The following EXOC6 variants were observed in gnomAD, a reference collection of about 807,000 sequenced individuals.
EXOC6 encodes the protein exocyst complex component 6.
EXOC6 carries 60 observed loss-of-function variants against 112.5 expected under a neutral mutation model. The observed-to-expected ratio is 0.53, with a 90% CI of 0.43 to 0.66. The LOEUF is 0.66. Among genes scored for constraint, EXOC6 ranks in the 30% least tolerant of loss-of-function variants. EXOC6 has a pLI of 0.00. For missense variants in EXOC6, 855 were observed against 957.1 expected (o/e 0.89, Z 1.41); for synonymous variants, 295 against 308.0 (o/e 0.96, Z 0.44).
At chr10:92,975,543 G>C (rs1842514145) in intron 18 of EXOC6, among the ~76,000 whole-genome samples, 1 of 144,742 alleles carries the variant, frequency 6.9e-6, no homozygotes, top group African/African-American at 2.6e-5. Flanking sequence ...CAGCCCCCCA[G>C]CCGCCCCGTC....
At chr10:92,859,093 C>G (rs1847768677) in intron 1 of EXOC6, among the ~76,000 whole-genome samples, 1 of 152,090 alleles carries the variant, frequency 6.6e-6, no homozygotes, top group Non-Finnish European at 1.5e-5. Flanking sequence ...GTTTATTGGT[C>G]TCAGTCTTCT....
Position 92,928,361 on chromosome 10 carries a change from A to G in EXOC6, c.911A>G (p.Asn304Ser). ...SVLGDEETFENYYRKQRKKQA... is the reference protein window; with the variant it reads ...SVLGDEETFESYYRKQRKKQA... Reference sequence around the variant, plus strand: ...TAGGGTGACGAGGAAACATTTGAAAACTATTATCGAAAACAAAGAAAGAAA... The same window carrying G: ...TAGGGTGACGAGGAAACATTTGAAAGCTATTATCGAAAACAAAGAAAGAAA... Residue 304 changes from asparagine (N) to serine (S), a missense_variant, in exon 9 of 22, where the codon AAC (asparagine) becomes AGC (serine). Asn to Ser is a conservative substitution (Grantham distance 46). Transcript: ENST00000260762. 1 of 1,609,622 alleles carries G rather than the reference A, an allele frequency of 6.2e-7. No individual in the cohort carries two copies. The highest frequency in any genetic ancestry group is 8.5e-7 in the Non-Finnish European group (1 of 1,177,354).
At chr10:93,013,603 G>A (rs60312200) in intron 19 of EXOC6, among the ~76,000 whole-genome samples, 8,476 of 151,986 alleles carry the variant, frequency 0.056, 389 homozygotes, top group East Asian at 0.13. Flanking sequence ...ATGAGACTCC[G>A]TCTCAAAAAA....
chr10:92,897,355 T>C (rs780940153), intron 4 of EXOC6, among the ~76,000 whole-genome samples: 1 of 152,168 alleles, frequency 6.6e-6, no homozygotes, highest in African/African-American at 2.4e-5. Flanking sequence ...TATCCACTTA[T>C]AAATGTGTGT....
intron 1 of EXOC6, among the ~76,000 whole-genome samples, chr10:92,867,564 G>A (rs1266126383): frequency 6.6e-6 from 1 of 152,158 alleles, no homozygotes; most frequent in Non-Finnish European, 1.5e-5. Context: ...TCTGTCAGGT[G>A]AATGCACTGG....
Position 93,057,010 on chromosome 10 carries a change from A to G in EXOC6, c.2256A>G (p.Pro752=). The change falls in exon 21 of 22, where the codon CCA becomes CCG. Residue 752 remains proline (P), a synonymous_variant. Coordinates refer to ENST00000260762, the MANE Select transcript of EXOC6 (RefSeq NM_019053.6). ...CTTCTAAGTACCTTCGGGTGAATCC[A>G]AACACAGCCCTTACTCTTTTGGAGA... ...QPASKYLRVN[P]NTALTLLEKM... 1 of 1,587,298 alleles carries G rather than the reference A, an allele frequency of 6.3e-7. No individual in the cohort carries two copies. The highest frequency in any genetic ancestry group is 8.5e-7 in the Non-Finnish European group (1 of 1,170,878).
intron 5 of EXOC6, among the ~76,000 whole-genome samples, chr10:92,906,300 C>T (rs1379175824): frequency 6.6e-6 from 1 of 152,004 alleles, no homozygotes. Context: ...ATAAAAATTT[C>T]GTACTTTTTC....
rs531694575 is a variant in EXOC6, at chr10:92,865,092, T to C, written c.101+16458T>C. Among the ~76,000 whole-genome samples, 28 of 152,312 alleles carry C rather than the reference T, an allele frequency of 1.8e-4. No homozygotes were observed. In the South Asian group the frequency reaches 5.6e-3, roughly 31 times the overall value. Reference sequence around the variant, plus strand: ...ATTTTTAATTGAAAAATATTGATAGTTATAATCCACGTAAACAAAATCTTT... The same window carrying C: ...ATTTTTAATTGAAAAATATTGATAGCTATAATCCACGTAAACAAAATCTTT... On this transcript the variant is annotated intron_variant, in intron 1 of 21. Coordinates refer to ENST00000260762, the MANE Select transcript of EXOC6 (RefSeq NM_019053.6).
At chr10:92,894,062 C>T in intron 2 of EXOC6, among the ~76,000 whole-genome samples, 1 of 152,122 alleles carries the variant, frequency 6.6e-6, no homozygotes, top group East Asian at 1.9e-4. Flanking sequence ...TAAGAATTGT[C>T]CTATTTATCT....
chr10:93,037,647 C>CCAGG (rs1198162972), intron 20 of EXOC6, among the ~76,000 whole-genome samples: 1 of 151,948 alleles, frequency 6.6e-6, no homozygotes, highest in Non-Finnish European at 1.5e-5. Context: ...GCCATTTTGG[C>CCAGG]CAGGCTGGTC....
intron 4 of EXOC6, among the ~76,000 whole-genome samples, chr10:92,898,531 A>G (rs772004162): frequency 4.6e-5 from 7 of 152,110 alleles, no homozygotes; most frequent in Admixed American, 6.6e-5. Flanking sequence ...TGGAAATAGC[A>G]TGAGGTAGAT....
intron 20 of EXOC6, among the ~76,000 whole-genome samples, chr10:93,037,211 T>C (rs1224125907): frequency 6.6e-6 from 1 of 151,288 alleles, no homozygotes; most frequent in Non-Finnish European, 1.5e-5. Context: ...GGTGTGATCA[T>C]GGCACATTGC....
intron 18 of EXOC6, among the ~76,000 whole-genome samples, chr10:92,975,546 G>A (rs573817561): frequency 1.4e-5 from 2 of 142,688 alleles, no homozygotes; most frequent in African/African-American, 5.4e-5. Flanking sequence ...CCCCCCAGCC[G>A]CCCCGTCCGG....
rs779199196 is a variant in EXOC6, at chr10:92,934,214, CTA to C, written c.1019+26_1019+27del. On this transcript the variant is annotated intron_variant, in intron 10 of 21. Coordinates refer to ENST00000260762, the MANE Select transcript of EXOC6 (RefSeq NM_019053.6). Reference sequence around the variant, plus strand: ...GGGTATGTATCTAATATGGAAATAACTATTATTAATTTTATATTATGTTAAAT... The same window carrying C: ...GGGTATGTATCTAATATGGAAATAACTTATTAATTTTATATTATGTTAAAT... The C allele has an allele frequency of 4.0e-6, 6 of 1,516,068 alleles. No homozygotes were observed. The Admixed American group carries it at 1.0e-4, about 25-fold the overall frequency. 93.9% of individuals were successfully genotyped at this position (1,516,068 alleles called of 1,614,324 possible).
chr10:93,022,986 C>T (rs1468952322), intron 20 of EXOC6, among the ~76,000 whole-genome samples: 1 of 147,964 alleles, frequency 6.8e-6, no homozygotes, highest in African/African-American at 2.5e-5. Context: ...CTTCACTTTT[C>T]CTTCTTTTTT....
intron 13 of EXOC6, among the ~76,000 whole-genome samples, chr10:92,945,064 G>A (rs1287003371): frequency 6.6e-6 from 1 of 152,128 alleles, no homozygotes; most frequent in Non-Finnish European, 1.5e-5. Context: ...GAGCCACTGT[G>A]CCTGGCCAGC....
intron 1 of EXOC6, among the ~76,000 whole-genome samples, chr10:92,858,130 A>C (rs1847717916): frequency 6.7e-6 from 1 of 148,612 alleles, no homozygotes; most frequent in Non-Finnish European, 1.5e-5. Context: ...CCCTTATGTA[A>C]TCAGCAGTTT....
chr10:92,927,002 A>AT (rs1344483049), intron 8 of EXOC6, among the ~76,000 whole-genome samples: 4 of 152,198 alleles, frequency 2.6e-5, no homozygotes, highest in African/African-American at 9.7e-5. Flanking sequence ...ATTATAGCTT[A>AT]TTGAAATTAT....
Position 92,875,383 on chromosome 10 carries a change from TA to T in EXOC6, c.102-17965del, listed in dbSNP as rs537772415. Reference sequence around the variant, plus strand: ...CATGGATACACACACAAATATATTTTATATGTCTGGATTCTTATAGCATGGA... The same window carrying T: ...CATGGATACACACACAAATATATTTTTATGTCTGGATTCTTATAGCATGGA... On this transcript the variant is annotated intron_variant, in intron 1 of 21. Transcript: ENST00000260762. Among the ~76,000 whole-genome samples, 433 of 152,328 alleles carry T rather than the reference TA, an allele frequency of 2.8e-3. 2 individuals carry two copies. Among genetic ancestry groups the T allele is most frequent in the African/African-American group, 1.0e-2 (415 of 41,584 alleles).
Sources: allele counts gnomAD v4.1 joint callset (sites outside exome capture counted in the v4.1 genomes callset), GRCh38; gene constraint gnomAD v4.1.1; transcripts MANE v1.5; gene names NCBI Gene and HGNC (gene_info 2026-07-23, HGNC 2026-07-21).